FBN2: variants seen among roughly 807,000 people sequenced by gnomAD.
The protein encoded by FBN2 is fibrillin 2.
A neutral mutation model predicts 355.6 loss-of-function variants in FBN2; 105 were observed. The ratio of observed to expected loss-of-function variants is 0.30; its 90% CI spans 0.25 to 0.35. The LOEUF (loss-of-function observed/expected upper bound fraction) is 0.35. Ranked by LOEUF, FBN2 falls within the 10% of genes least tolerant of loss-of-function variation. The pLI is 1.00. For synonymous variants in FBN2, 1,350 were observed against 1,301.2 expected (o/e 1.04, Z -0.81); for missense variants, 3,280 against 3,758.7 (o/e 0.87, Z 3.33).
chr5:128,314,140 T>C (rs1750137622), intron 36 of FBN2, among the ~76,000 whole-genome samples: 1 of 152,092 alleles, frequency 6.6e-6, no homozygotes, highest in Admixed American at 6.5e-5. Context: ...AATCTAGAGT[T>C]CTTAGCAGTC....
At chr5:128,445,302 A>C (rs1754036602) in intron 7 of FBN2, among the ~76,000 whole-genome samples, 1 of 152,208 alleles carries the variant, frequency 6.6e-6, no homozygotes, top group South Asian at 2.1e-4. Flanking sequence ...AAATGTATAT[A>C]ACTATAACAA....
chr5:128,434,077 C>G (rs1338139049), intron 7 of FBN2, among the ~76,000 whole-genome samples: 6 of 151,938 alleles, frequency 3.9e-5, no homozygotes, highest in Admixed American at 3.9e-4. Flanking sequence ...AACCTTGCGA[C>G]CAATACAGCA....
intron 7 of FBN2, among the ~76,000 whole-genome samples, chr5:128,410,522 C>G (rs928926759): frequency 2.0e-5 from 3 of 152,100 alleles, no homozygotes; most frequent in East Asian, 1.9e-4. Flanking sequence ...TTATGAAGCC[C>G]AGGATTTATG....
At chr5:128,411,430 G>A (rs1001770017) in intron 7 of FBN2, among the ~76,000 whole-genome samples, 2 of 152,192 alleles carry the variant, frequency 1.3e-5, no homozygotes, top group Non-Finnish European at 2.9e-5. Context: ...CAGTGGGATG[G>A]GGAGGTGGAA....
chr5:128,344,340 A>G (rs1206544626), intron 25 of FBN2, 45 bp downstream of exon 25: 1 of 1,608,752 alleles, frequency 6.2e-7, no homozygotes, highest in Non-Finnish European at 8.5e-7. Context: ...AGAGTAAAGG[A>G]AAGACAGCCA....
chr5:128,463,233 T>C (rs1264855179), intron 6 of FBN2, among the ~76,000 whole-genome samples: 1 of 152,058 alleles, frequency 6.6e-6, no homozygotes, highest in Non-Finnish European at 1.5e-5. Flanking sequence ...CAATATAATA[T>C]AGAATATCTT....
chr5:128,483,196 C>T (rs982273874), intron 5 of FBN2, among the ~76,000 whole-genome samples: 1 of 152,132 alleles, frequency 6.6e-6, no homozygotes, highest in Non-Finnish European at 1.5e-5. Flanking sequence ...GAAAAACTAA[C>T]TATTGGGTAC....
chr5:128,323,465 G>A (rs926596319), intron 34 of FBN2, among the ~76,000 whole-genome samples: 8 of 152,306 alleles, frequency 5.3e-5, no homozygotes, highest in East Asian at 1.9e-4. Flanking sequence ...TTTTTAGCAT[G>A]AAGGGGTGTT....
At chr5:128,311,212 G>A (rs1750047453) in intron 39 of FBN2, 88 bp downstream of exon 39, 2 of 1,379,804 alleles carry the variant, frequency 1.4e-6, no homozygotes, top group Admixed American at 3.4e-5. Flanking sequence ...GCCTTTTGTA[G>A]AATGTGAGGA....
rs1753808508 is a variant in FBN2 at position 128,437,781 on chromosome 5, G to GT, written c.952+8699_952+8700insA. Among the ~76,000 whole-genome samples, 21 of 38,172 alleles carry GT rather than the reference G, an allele frequency of 5.5e-4. No homozygotes were observed. The South Asian group carries it at 6.9e-3, about 12-fold the overall frequency. The allele number at this position is 38,172 out of a possible 152,430, so 25.0% of individuals were successfully genotyped here. Reference sequence around the variant, plus strand: ...GATAAATAGTATGTATGTATAGATAGATAGATAGATAGATAGATAGATAGA... The same window carrying GT: ...GATAAATAGTATGTATGTATAGATAGTATAGATAGATAGATAGATAGATAGA... On this transcript the variant is annotated intron_variant, in intron 7 of 64. Transcript: ENST00000262464.
At chr5:128,318,368 G>T in intron 35 of FBN2, 97 bp from the exon 36 acceptor site, 2 of 1,209,364 alleles carry the variant, frequency 1.7e-6, no homozygotes, top group South Asian at 2.4e-5. Context: ...CAAGTGAGTA[G>T]ATTAAAGATC....
At position 128,490,036 on chromosome 5, in the gene FBN2, C is replaced by T. The variant is rs190884061; in HGVS notation, c.629-25115G>A. 3.5e-4 allele frequency among the ~76,000 whole-genome samples: 54 copies of T among 152,176 alleles called. No individual in the cohort carries two copies. In the Middle Eastern group the frequency reaches 0.01, roughly 29 times the overall value. ...CAGTGAAATCATTTCATGGAAAGAG[C>T]CTTAACATAGTAGGTGCTCATTAAA... is the stretch of plus-strand genomic sequence containing the variant. On this transcript the variant is annotated intron_variant, in intron 5 of 64. Transcript: ENST00000262464.
chr5:128,524,876 C>T (rs1283615965), intron 4 of FBN2, among the ~76,000 whole-genome samples: 1 of 152,132 alleles, frequency 6.6e-6, no homozygotes, highest in East Asian at 1.9e-4. Context: ...AACAAATGTT[C>T]AGTATATGCT....
At chr5:128,416,063 G>C (rs1753189792) in intron 7 of FBN2, among the ~76,000 whole-genome samples, 1 of 137,532 alleles carries the variant, frequency 7.3e-6, no homozygotes, top group Non-Finnish European at 1.5e-5. Flanking sequence ...TTTTGCTCTT[G>C]CTGCCCAGGC....
At chr5:128,413,714 T>G (rs947319905) in intron 7 of FBN2, among the ~76,000 whole-genome samples, 5 of 152,094 alleles carry the variant, frequency 3.3e-5, no homozygotes, top group African/African-American at 1.2e-4. Flanking sequence ...TAGGTACATG[T>G]CACAGAAAAA....
At chr5:128,269,154 C>A (rs1386006255) in intron 62 of FBN2, among the ~76,000 whole-genome samples, 1 of 151,782 alleles carries the variant, frequency 6.6e-6, no homozygotes, top group Non-Finnish European at 1.5e-5. Context: ...GTGGCTCATG[C>A]CTGTAATTCT....
intron 5 of FBN2, among the ~76,000 whole-genome samples, chr5:128,472,147 G>A (rs1162534889): frequency 6.6e-6 from 1 of 151,970 alleles, no homozygotes; most frequent in Non-Finnish European, 1.5e-5. Flanking sequence ...AACAAAATAC[G>A]GTATATACAT....
At chr5:128,333,464 A>C (rs2126892866) in intron 31 of FBN2, among the ~76,000 whole-genome samples, 1 of 152,314 alleles carries the variant, frequency 6.6e-6, no homozygotes, top group East Asian at 1.9e-4. Flanking sequence ...GAAGATAAGA[A>C]TCTAACTTTT....
chr5:128,477,674 T>C (rs141101421), intron 5 of FBN2, among the ~76,000 whole-genome samples: 21 of 152,266 alleles, frequency 1.4e-4, no homozygotes, highest in Non-Finnish European at 2.4e-4. Flanking sequence ...ACAGGTTAAA[T>C]AAAATTGTTC....
Sources: gnomAD v4.1 joint callset for allele counts (sites outside exome capture counted in the v4.1 genomes callset) on GRCh38, gnomAD v4.1.1 for gene constraint, MANE v1.5 for transcripts, NCBI Gene and HGNC (gene_info 2026-07-23, HGNC 2026-07-21) for gene names.